Variants in CACNA1A observed in about 807,000 individuals in gnomAD.
CACNA1A encodes voltage-dependent P/Q-type calcium channel subunit alpha-1A.
CACNA1A carries 57 observed loss-of-function variants against 262.4 expected under a neutral mutation model. The ratio of observed to expected loss-of-function variants is 0.22; its 90% confidence interval spans 0.18 to 0.27. The LOEUF is 0.27. Ranked by LOEUF, CACNA1A falls within the 10% of genes least tolerant of loss-of-function variation. CACNA1A has a pLI of 1.00. For missense variants in CACNA1A, 2,526 were observed against 3,562.8 expected, an observed-to-expected ratio of 0.71 and a Z score of 7.41; for synonymous variants, 1,431 against 1,419.3, an observed-to-expected ratio of 1.01 and a Z score of -0.18.
chr19:13,296,240 G>A (rs1466198665), intron 19 of CACNA1A, among the ~76,000 whole-genome samples: 2 of 152,050 alleles, frequency 1.3e-5, no homozygotes, highest in Non-Finnish European at 2.9e-5. Context: ...AAGATCCCTG[G>A]GGATTCACAT....
chr19:13,447,331 A>G lies in CACNA1A; in HGVS notation c.539+5545T>C, dbSNP rs141094954. 2.4e-4 allele frequency among the ~76,000 whole-genome samples: 37 copies of G among 152,322 alleles called. 1 individual carries two copies. In the East Asian group the frequency reaches 6.8e-3, roughly 28 times the overall value. On this transcript the variant is annotated intron_variant, in intron 3 of 46. Coordinates refer to ENST00000360228, the MANE Select transcript of CACNA1A (RefSeq NM_001127222.2). ...TCTCCTCTAGAGGAATGAGTCTAGA[A>G]TCTCTTCCATCAGATGACAGGAAAC... is the stretch of plus-strand genomic sequence containing the variant.
chr19:13,258,851 T>C lies in CACNA1A; in HGVS notation c.4388+713A>G, dbSNP rs2056642940. 3 of 152,122 alleles carry C rather than the reference T, an allele frequency of 2.0e-5. No homozygotes were observed. In the South Asian group the frequency reaches 6.2e-4, roughly 31 times the overall value. 9.4% of individuals were successfully genotyped at this position (152,122 alleles called of 1,614,324 possible). On this transcript the variant is annotated intron_variant, in intron 27 of 46. Coordinates refer to ENST00000360228, the MANE Select transcript of CACNA1A (RefSeq NM_001127222.2). ...ATTAAGGGGGTACTGAAAATCTCAG[T>C]AATCAAGATAATCTTTTGCTCCAAT... is the stretch of plus-strand genomic sequence containing the variant.
chr19:13,484,836 A>G (rs1391629624), intron 1 of CACNA1A, among the ~76,000 whole-genome samples: 1 of 152,244 alleles, frequency 6.6e-6, no homozygotes, highest in African/African-American at 2.4e-5. Context: ...GACTCAGTTT[A>G]TCAGCACTTC....
intron 38 of CACNA1A, among the ~76,000 whole-genome samples, chr19:13,216,185 T>A (rs1224622636): frequency 6.6e-6 from 1 of 152,158 alleles, no homozygotes; most frequent in Non-Finnish European, 1.5e-5. Context: ...GGGTGAGTCA[T>A]TAAAGCTCTC....
intron 35 of CACNA1A, 114 bp downstream of exon 35, chr19:13,231,596 A>G: frequency 9.2e-7 from 1 of 1,085,268 alleles, no homozygotes; most frequent in Non-Finnish European, 1.3e-6. Flanking sequence ...TGGTTCAGAG[A>G]AGCCTTGGAG....
At position 13,214,621 on chromosome 19, in the gene CACNA1A, T is replaced by C; in HGVS notation, c.5732-13A>G. ...TTGTCGGCTCCTCCTGCAATGGGGG[T>C]GTAGACAGACCCTGACTGCCTGCCT... On this transcript the variant is annotated splice_polypyrimidine_tract_variant and intron_variant, in intron 38 of 46. Coordinates refer to ENST00000360228, the MANE Select transcript of CACNA1A (RefSeq NM_001127222.2). The surrounding 1 kb of genome is among the most constrained non-coding windows in gnomAD (Gnocchi z 4.1). The C allele has an allele frequency of 1.9e-6, 3 of 1,604,636 alleles. No homozygotes were observed. The highest frequency in any genetic ancestry group is 2.6e-6 in the Non-Finnish European group (3 of 1,172,704).
chr19:13,463,838 A>C (rs895102512), intron 1 of CACNA1A, among the ~76,000 whole-genome samples: 1 of 152,206 alleles, frequency 6.6e-6, no homozygotes, highest in Non-Finnish European at 1.5e-5. Context: ...CAATATCTGC[A>C]CTAAAAAATA....
rs529847138 is a variant in CACNA1A at position 13,276,323 on chromosome 19, C to T, written c.3883-367G>A. Among the ~76,000 whole-genome samples the T allele has an allele frequency of 3.3e-5, 5 of 152,360 alleles. No individual in the cohort carries two copies. The South Asian group carries it at 1.0e-3, about 32-fold the overall frequency. ...TCTCACCTCTTCTTTGGTCACCAGCCTGATCCTGTCCCCGTCATCGCCCAT... is the reference window on the plus strand; with the variant it reads ...TCTCACCTCTTCTTTGGTCACCAGCTTGATCCTGTCCCCGTCATCGCCCAT... On this transcript the variant is annotated intron_variant, in intron 23 of 46. Transcript: ENST00000360228.
In CACNA1A at chr19:13,212,033, G is replaced by T. The variant is rs573120400; in HGVS notation, c.6303+70C>A. 9 of 1,128,926 alleles carry T rather than the reference G, an allele frequency of 8.0e-6. No individual in the cohort carries two copies. In the East Asian group the frequency reaches 9.5e-5, roughly 12 times the overall value. The allele number at this position is 1,128,926 out of a possible 1,614,324, so 69.9% of individuals were successfully genotyped here. A position where few individuals can be genotyped will look rare whatever the true frequency, so the allele number is the denominator to read the frequency against. On this transcript the variant is annotated intron_variant, in intron 43 of 46. Coordinates refer to ENST00000360228, the MANE Select transcript of CACNA1A (RefSeq NM_001127222.2). This position sits in a 1 kb window ranked among gnomAD's most constrained non-coding sequence, Gnocchi z 5.6. ...AGGGAGGGGATGCACTGGGCTGCTT[G>T]TGGGGGGGCCTGGCCCTACCCAGTG...
chr19:13,249,414 G>A (rs530050932), intron 30 of CACNA1A, among the ~76,000 whole-genome samples: 4 of 152,196 alleles, frequency 2.6e-5, no homozygotes, highest in South Asian at 2.1e-4. Flanking sequence ...GGGGTGCAGC[G>A]GCTCAATCAC....
At position 13,280,353 on chromosome 19, in the gene CACNA1A, A is replaced by G. The variant is rs1190085958; in HGVS notation, c.3822+2914T>C. On this transcript the variant is annotated intron_variant, in intron 22 of 46. Coordinates refer to ENST00000360228, the MANE Select transcript of CACNA1A (RefSeq NM_001127222.2). The stretch of plus-strand genomic sequence containing the variant: ...ACCACGCTCGGTTAATTAAAAAAAA[A>G]AAAATTTTTTTTTTTTTTGGTAGAG... Among the ~76,000 whole-genome samples, 9 of 150,620 alleles carry G rather than the reference A, an allele frequency of 6.0e-5. 1 individual carries two copies. The South Asian group carries it at 8.4e-4, about 14-fold the overall frequency.
chr19:13,259,984 T>C (rs997986226), intron 26 of CACNA1A: 2 of 336,196 alleles, frequency 5.9e-6, no homozygotes, highest in African/African-American at 4.2e-5. Context: ...TAACTTCTAG[T>C]CCTCAGGGTG....
At chr19:13,320,888 G>T (rs1357265255) in intron 10 of CACNA1A, among the ~76,000 whole-genome samples, 1 of 151,936 alleles carries the variant, frequency 6.6e-6, no homozygotes, top group African/African-American at 2.4e-5. Context: ...GGATTCAAAA[G>T]ATATTTTATA....
rs1491303204 is a variant in CACNA1A, at chr19:13,212,825, T to TACAC, written c.5941-86_5941-85insGTGT. 4.6e-5 allele frequency: 25 copies of TACAC among 548,556 alleles called. No individual in the cohort carries two copies. The African/African-American group carries it at 6.3e-4, about 14-fold the overall frequency. 34.0% of individuals were successfully genotyped at this position (548,556 alleles called of 1,614,324 possible). ...CCAGAAGGCATTGCGACATCCCCAG[T>TACAC]ATACACACACACACACACACACACT... is the stretch of plus-strand genomic sequence containing the variant. On this transcript the variant is annotated intron_variant, in intron 40 of 46. Transcript: ENST00000360228. The surrounding 1 kb of genome is among the most constrained non-coding windows in gnomAD (Gnocchi z 5.6).
chr19:13,325,196 CTTT>C (rs201773357), intron 10 of CACNA1A, among the ~76,000 whole-genome samples: 5 of 128,014 alleles, frequency 3.9e-5, no homozygotes, highest in East Asian at 2.2e-4. Flanking sequence ...TCTTCTTCTT[CTTT>C]TTTTTTTTTT....
intron 38 of CACNA1A, among the ~76,000 whole-genome samples, chr19:13,221,218 T>TTTTCTTCTTTCTTTCTTTCTTTC: frequency 3.9e-5 from 1 of 25,654 alleles, no homozygotes; most frequent in Non-Finnish European, 6.7e-5. Flanking sequence ...TTGTTTTTTC[T>TTTTCTTCTTTCTTTCTTTCTTTC]TTTCTTTCTT....
chr19:13,421,099 G>C (rs942634215), intron 3 of CACNA1A, among the ~76,000 whole-genome samples: 6 of 152,198 alleles, frequency 3.9e-5, no homozygotes, highest in African/African-American at 1.4e-4. Flanking sequence ...GACCAGTTAA[G>C]TTTTGATTGT....
chr19:13,218,285 C>A (rs2055094119), intron 38 of CACNA1A, among the ~76,000 whole-genome samples: 1 of 152,042 alleles, frequency 6.6e-6, no homozygotes, highest in Non-Finnish European at 1.5e-5. Context: ...TCTAACAATG[C>A]GATTTATCGT....
intron 10 of CACNA1A, among the ~76,000 whole-genome samples, chr19:13,328,749 C>A (rs1477311283): frequency 6.6e-6 from 1 of 151,976 alleles, no homozygotes; most frequent in Admixed American, 6.6e-5. Flanking sequence ...GTGTATCCAC[C>A]CTACGAGATA....
Sources: gnomAD v4.1 joint callset for allele counts (sites outside exome capture counted in the v4.1 genomes callset) on GRCh38, gnomAD v4.1.1 for gene constraint, Gnocchi (gnomAD v3.1) non-coding constraint, MANE v1.5 for transcripts, NCBI Gene and HGNC (gene_info 2026-07-23, HGNC 2026-07-21) for gene names.